Variants in DLG1 observed in about 807,000 individuals in gnomAD.
The protein encoded by DLG1 is disks large homolog 1.
DLG1 carries 42 observed loss-of-function variants against 123.4 expected under a neutral mutation model. That is an observed-to-expected ratio of 0.34 (90% CI 0.27 to 0.44). DLG1 has a LOEUF of 0.44. DLG1 is among the 20% of genes least tolerant of loss of function. The pLI is 1.00. For synonymous variants in DLG1, 317 were observed against 356.2 expected (o/e 0.89, Z 1.24); for missense variants, 942 against 1,082.6 (o/e 0.87, Z 1.82).
chr3:197,064,377 G>C, intron 22 of DLG1, among the ~76,000 whole-genome samples: 1 of 152,050 alleles, frequency 6.6e-6, no homozygotes, highest in Non-Finnish European at 1.5e-5. Context: ...ATGTTTAGTA[G>C]AGACGGGGTT....
intron 14 of DLG1, among the ~76,000 whole-genome samples, chr3:197,091,415 C>G (rs1372349909): frequency 1.3e-5 from 2 of 151,870 alleles, no homozygotes; most frequent in African/African-American, 4.8e-5. Context: ...AATTAATACA[C>G]TAGATGCTTT....
intron 5 of DLG1, chr3:197,161,699 C>CA (rs1798837121): frequency 3.2e-6 from 5 of 1,577,994 alleles, no homozygotes; most frequent in Non-Finnish European, 4.3e-6. Flanking sequence ...ACAGGGATCA[C>CA]AGGGACAGTG....
rs1729735053 is a variant in DLG1, at chr3:197,208,475, T to C, written c.319-13886A>G. Among the ~76,000 whole-genome samples the C allele has an allele frequency of 1.4e-5, 2 of 146,972 alleles. 1 individual carries two copies. Among genetic ancestry groups the C allele is most frequent in the South Asian group, 5.1e-4 (2 of 3,948 alleles). ...TAGGCAGTTATTTATTGTAGTATTGTTTGTAAAACAAATAATTAAAAACAT... is the reference window on the plus strand; with the variant it reads ...TAGGCAGTTATTTATTGTAGTATTGCTTGTAAAACAAATAATTAAAAACAT... On this transcript the variant is annotated intron_variant, in intron 4 of 24. Coordinates refer to ENST00000667157, the MANE Select transcript of DLG1 (RefSeq NM_001366207.1).
intron 5 of DLG1, among the ~76,000 whole-genome samples, chr3:197,170,383 A>G (rs1347762775): frequency 2.0e-5 from 3 of 152,188 alleles, no homozygotes; most frequent in Non-Finnish European, 4.4e-5. Context: ...TCAACAGTGT[A>G]TAAGTGTTCC....
chr3:197,263,033 C>G (rs1760128981), intron 4 of DLG1, among the ~76,000 whole-genome samples: 1 of 143,706 alleles, frequency 7.0e-6, no homozygotes, highest in Non-Finnish European at 1.6e-5. Flanking sequence ...ATATAAGGCT[C>G]AAGGCTCATA....
intron 14 of DLG1, among the ~76,000 whole-genome samples, chr3:197,100,745 A>G (rs1763013144): frequency 6.6e-6 from 1 of 152,202 alleles, no homozygotes; most frequent in African/African-American, 2.4e-5. Flanking sequence ...GAGATTCAAC[A>G]GATGCAGGAA....
Position 197,138,328 on chromosome 3 carries a change from T to C in DLG1, c.777A>G (p.Ala259=), listed in dbSNP as rs755769447. 1 of 1,600,210 alleles carries C rather than the reference T, an allele frequency of 6.2e-7. No individual in the cohort carries two copies. The highest frequency in any genetic ancestry group is 8.5e-7 in the Non-Finnish European group (1 of 1,170,980). Residue 259 remains alanine (A), a synonymous_variant, in exon 9 of 25, where the codon GCA becomes GCG. Coordinates refer to ENST00000667157, the MANE Select transcript of DLG1 (RefSeq NM_001366207.1). ...VDVRDVTHSK[A]VEALKEAGSI... ...ACCCTGCTTCTTTCAACGCTTCAAC[T>C]GCTTTGCTATGTGTTACATCACGAA...
intron 23 of DLG1, among the ~76,000 whole-genome samples, chr3:197,053,629 G>A (rs1729497211): frequency 6.6e-6 from 1 of 151,910 alleles, no homozygotes; most frequent in African/African-American, 2.4e-5. Flanking sequence ...AAAATTAGCA[G>A]GGCACAGTGG....
At chr3:197,065,033 A>C (rs570508175) in intron 22 of DLG1, among the ~76,000 whole-genome samples, 3 of 151,968 alleles carry the variant, frequency 2.0e-5, no homozygotes, top group African/African-American at 7.2e-5. Context: ...TCTCTAGCAA[A>C]TGACCTGAAA....
At chr3:197,297,808 G>A (rs1232861807) in intron 1 of DLG1, 11 of 985,362 alleles carry the variant, frequency 1.1e-5, no homozygotes, top group African/African-American at 1.7e-5. Flanking sequence ...ACAAAGTTCC[G>A]GTGAGCGGCG....
chr3:197,153,599 AC>A (rs1794984256), intron 5 of DLG1, among the ~76,000 whole-genome samples: 1 of 152,048 alleles, frequency 6.6e-6, no homozygotes, highest in Non-Finnish European at 1.5e-5. Context: ...TGGAAACCCC[AC>A]CCCAACCTCC....
chr3:197,219,403 T>G (rs1330446613), intron 4 of DLG1, among the ~76,000 whole-genome samples: 1 of 152,250 alleles, frequency 6.6e-6, no homozygotes, highest in African/African-American at 2.4e-5. Flanking sequence ...TGTTCAAACC[T>G]AATTTACGAA....
intron 13 of DLG1, 90 bp from the exon 14 acceptor site, chr3:197,105,095 A>G: frequency 1.3e-6 from 1 of 784,982 alleles, no homozygotes; most frequent in Non-Finnish European, 2.0e-6. Flanking sequence ...GCATGTATTA[A>G]AAAATTAGTT....
At chr3:197,115,196 A>T (rs1290558337) in intron 13 of DLG1, among the ~76,000 whole-genome samples, 1 of 152,096 alleles carries the variant, frequency 6.6e-6, no homozygotes, top group Non-Finnish European at 1.5e-5. Context: ...TATGGGTATA[A>T]ACATGAAACA....
intron 4 of DLG1, among the ~76,000 whole-genome samples, chr3:197,243,158 G>A (rs1256441147): frequency 6.6e-6 from 1 of 152,114 alleles, no homozygotes; most frequent in Non-Finnish European, 1.5e-5. Context: ...ATTAGGGTAG[G>A]ACCACACAAT....
chr3:197,140,270 G>A lies in DLG1; in HGVS notation c.589-6C>T. 2 of 1,608,586 alleles carry A rather than the reference G, an allele frequency of 1.2e-6. No individual in the cohort carries two copies. Among genetic ancestry groups the A allele is most frequent in the Middle Eastern group, 3.3e-4 (2 of 6,018 alleles). On this transcript the variant is annotated splice_polypyrimidine_tract_variant and splice_region_variant and intron_variant, in intron 7 of 24. Transcript: ENST00000667157. ...AAACCAAGCCCTGAATTTCCCTGAGGATAGAAGAAAAAAAATTGAGACTGA... is the reference window on the plus strand; with the variant it reads ...AAACCAAGCCCTGAATTTCCCTGAGAATAGAAGAAAAAAAATTGAGACTGA...
In DLG1 at chr3:197,140,150, C is replaced by T. The variant is rs777964838; in HGVS notation, c.703G>A (p.Gly235Arg). The T allele has an allele frequency of 2.3e-5, 37 of 1,612,552 alleles. No individual in the cohort carries two copies. Among genetic ancestry groups the T allele is most frequent in the Non-Finnish European group, 3.1e-5 (37 of 1,179,296 alleles). ...AAGCGCAAAACATACCGCAATCTTC[C>T]ATCTTGGGCGGCTGCTCCCCCTGTG... ...IITGGAAAQD[G>R]RLRVNDCILR... The change falls in exon 8 of 25, where the codon GGA becomes AGA. Residue 235 changes from glycine (G) to arginine (R), a missense_variant. Coordinates refer to ENST00000667157, the MANE Select transcript of DLG1 (RefSeq NM_001366207.1).
At chr3:197,226,962 G>A (rs1740290725) in intron 4 of DLG1, among the ~76,000 whole-genome samples, 1 of 152,064 alleles carries the variant, frequency 6.6e-6, no homozygotes, top group Admixed American at 6.5e-5. Flanking sequence ...TTAAAATCTT[G>A]CACACAGATG....
Position 197,117,742 on chromosome 3 carries a change from T to C in DLG1, c.1287-1659A>G, listed in dbSNP as rs560941780. On this transcript the variant is annotated intron_variant, in intron 12 of 24. Coordinates refer to ENST00000667157, the MANE Select transcript of DLG1 (RefSeq NM_001366207.1). ...TGAAGTAATGAAAAGGTTTTGGAAA[T>C]AGTGAAGGGTTCCGAAAATTGTGAA... is the stretch of plus-strand genomic sequence containing the variant. 9.4e-4 allele frequency among the ~76,000 whole-genome samples: 143 copies of C among 152,298 alleles called. 1 individual carries two copies. Among genetic ancestry groups the C allele is most frequent in the Admixed American group, 3.8e-3 (58 of 15,296 alleles).
Sources: allele counts gnomAD v4.1 joint callset (sites outside exome capture counted in the v4.1 genomes callset), GRCh38; gene constraint gnomAD v4.1.1; transcripts MANE v1.5; gene names NCBI Gene and HGNC (gene_info 2026-07-23, HGNC 2026-07-21).